Variants in PRKAG3 observed in about 807,000 individuals in gnomAD.
The protein encoded by PRKAG3 is protein kinase AMP-activated non-catalytic subunit gamma 3.
Under a neutral mutation model 56.5 loss-of-function variants are expected in PRKAG3, and 39 were observed. The ratio of observed to expected loss-of-function variants is 0.69; its 90% CI spans 0.53 to 0.90. The LOEUF is 0.90. Ranked by LOEUF, PRKAG3 falls within the 40% of genes least tolerant of loss-of-function variation. The probability of loss-of-function intolerance (pLI) is 0.00; values close to 1 mark genes in which losing one functional copy is unlikely to be tolerated. For synonymous variants in PRKAG3, 243 were observed against 250.1 expected, an observed-to-expected ratio of 0.97 and a Z score of 0.27; for missense variants, 628 against 627.5, an observed-to-expected ratio of 1.00 and a Z score of -0.01.
exon 3 of PRKAG3, chr2:218,830,886 T>C: frequency 2.5e-6 from 4 of 1,613,818 alleles, no homozygotes; most frequent in Non-Finnish European, 3.4e-6. Flanking sequence ...GTTTTCTTGC[T>C]CTAGGAAGCT....
Position 218,827,128 on chromosome 2 carries a change from T to C in PRKAG3, c.1003-35A>G. Reference sequence around the variant, plus strand: ...ATGGGGACCAGGTGGAGATCAGGGATCCAGCAGCTTCAAGAGGGCTCCCAG... The same window carrying C: ...ATGGGGACCAGGTGGAGATCAGGGACCCAGCAGCTTCAAGAGGGCTCCCAG... On this transcript the variant is annotated intron_variant, in intron 9 of 12. Transcript: ENST00000529249. The surrounding 1 kb of genome is among the most constrained non-coding windows in gnomAD (Gnocchi z 5.3). 1.9e-6 allele frequency: 3 copies of C among 1,612,582 alleles called. No individual in the cohort carries two copies. The highest frequency in any genetic ancestry group is 2.5e-6 in the Non-Finnish European group (3 of 1,179,896).
intron 10 of PRKAG3, chr2:218,826,670 C>T: frequency 2.0e-6 from 1 of 501,714 alleles, no homozygotes; most frequent in South Asian, 2.0e-5. Flanking sequence ...CATTTTCATG[C>T]ACATAACCTT....
intron 4 of PRKAG3, 103 bp from the exon 5 acceptor site, chr2:218,828,703 G>A (rs1943974443): frequency 1.1e-5 from 11 of 996,148 alleles, no homozygotes; most frequent in African/African-American, 1.6e-5. Flanking sequence ...TCCCCTCCCT[G>A]TCCCACCCAG....
chr2:218,831,023 A>G, intron 2 of PRKAG3, 122 bp from the exon 3 acceptor site: 1 of 1,234,768 alleles, frequency 8.1e-7, no homozygotes. Context: ...CATATTTCTC[A>G]TTTAAAACTT....
In PRKAG3 at chr2:218,827,311, G is replaced by A. The variant is rs751962538; in HGVS notation, c.938C>T (p.Pro313Leu). The change falls in exon 9 of 13, where the codon CCG becomes CTG. Residue 313 changes from proline (P) to leucine (L), a missense_variant. By Grantham distance (98) the Pro-to-Leu change is moderately conservative. Transcript: ENST00000529249. The surrounding 1 kb of genome is among the most constrained non-coding windows in gnomAD (Gnocchi z 5.3). ...GATGTGGAGTACGTTGCCTGACACC[G>A]GGTCAAGAACAGGCAGGCGATGGAT... The A allele has an allele frequency of 8.7e-6, 14 of 1,614,014 alleles. No individual in the cohort carries two copies. The highest frequency in any genetic ancestry group is 3.3e-5 in the South Asian group (3 of 91,072).
intron 12 of PRKAG3, 82 bp downstream of exon 12, chr2:218,824,140 C>T (rs1045784417): frequency 2.1e-5 from 34 of 1,605,386 alleles, no homozygotes; most frequent in South Asian, 6.6e-5. Context: ...GCCAGGTGCC[C>T]GATGTTCAGG....
At chr2:218,830,881 C>G (rs751146025) in exon 3 of PRKAG3, 3 of 1,613,740 alleles carry the variant, frequency 1.9e-6, no homozygotes, top group African/African-American at 1.3e-5. Context: ...CTGCTGTTTT[C>G]TTGCTCTAGG....
chr2:218,830,587 T>C (rs1275231975), intron 3 of PRKAG3, among the ~76,000 whole-genome samples, 159 bp downstream of exon 3: 1 of 152,230 alleles, frequency 6.6e-6, no homozygotes, highest in African/African-American at 2.4e-5. Flanking sequence ...GGCACTGCAG[T>C]GCCTTGTTCT....
exon 5 of PRKAG3, chr2:218,828,572 G>A (rs1943972331): frequency 3.1e-6 from 5 of 1,613,656 alleles, no homozygotes; most frequent in Non-Finnish European, 4.2e-6. Context: ...CACACCGTTG[G>A]CCACCAGAGC....
At chr2:218,825,772 T>C (rs1475106223) in intron 10 of PRKAG3, among the ~76,000 whole-genome samples, 1 of 151,538 alleles carries the variant, frequency 6.6e-6, no homozygotes, top group Non-Finnish European at 1.5e-5. Flanking sequence ...ACTTTTTTTT[T>C]TTTTTTTTGG....
At chr2:218,823,167 T>A, downstream of PRKAG3, 2 of 627,042 alleles carry the variant, frequency 3.2e-6, no homozygotes, top group Non-Finnish European at 4.0e-6. Flanking sequence ...GGTGAGTAGA[T>A]GGAATCTGTG....
At chr2:218,830,274 C>G (rs1944000134) in exon 4 of PRKAG3, 1 of 1,613,596 alleles carries the variant, frequency 6.2e-7, no homozygotes, top group African/African-American at 1.3e-5. Context: ...CAGTCCCACC[C>G]TGTTGGTGGA....
At position 218,826,787 on chromosome 2, in the gene PRKAG3, G is replaced by A. The variant is rs1202137026; in HGVS notation, c.1168+141C>T. The stretch of plus-strand genomic sequence containing the variant: ...CTAAGCAACTTGCCCAAGTCTCAGA[G>A]TAGACGGAGACTTCTAATCCCCAGT... On this transcript the variant is annotated intron_variant, in intron 10 of 12. Coordinates refer to ENST00000529249, the Ensembl canonical transcript of PRKAG3. The A allele has an allele frequency of 2.7e-6, 3 of 1,122,374 alleles. No homozygotes were observed. The East Asian group carries it at 7.6e-5, about 29-fold the overall frequency. The allele number at this position is 1,122,374 out of a possible 1,614,324, so 69.5% of individuals were successfully genotyped here.
chr2:218,824,113 A>C, intron 12 of PRKAG3, 109 bp downstream of exon 12: 1 of 1,562,440 alleles, frequency 6.4e-7, no homozygotes, highest in East Asian at 2.3e-5. Context: ...GGAGTTGGTC[A>C]TGAAATGGAA....
intron 10 of PRKAG3, chr2:218,826,701 A>G (rs1033496236): frequency 8.9e-5 from 51 of 573,866 alleles, no homozygotes; most frequent in Non-Finnish European, 1.6e-4. Flanking sequence ...CTGTGAAGTC[A>G]GAAAGATGAG....
In PRKAG3 at chr2:218,827,837, C is replaced by T. The variant is rs747406660; in HGVS notation, c.816G>A (p.Trp272Ter). 1 of 1,614,078 alleles carries T rather than the reference C, an allele frequency of 6.2e-7. No homozygotes were observed. Among genetic ancestry groups the T allele is most frequent in the Non-Finnish European group, 8.5e-7 (1 of 1,179,960 alleles). Residue 272 changes from tryptophan (W) to a stop codon, truncating the protein, a stop_gained, in exon 7 of 13, where the codon TGG (tryptophan) becomes TGA (stop). Coordinates refer to ENST00000529249, the Ensembl canonical transcript of PRKAG3. LOFTEE classifies it high-confidence loss of function. The surrounding 1 kb of genome is among the most constrained non-coding windows in gnomAD (Gnocchi z 5.3). ...CGGGTTCCTCTCCCCACTCACCCCT[C>T]CAGGTCTCAATCTTATGTTGTTCAA...
chr2:218,831,352 C>A, exon 2 of PRKAG3: 2 of 1,603,456 alleles, frequency 1.2e-6, no homozygotes. Context: ...GCTCAGAACC[C>A]CCAAGGCTGC....
chr2:218,831,002 C>T lies in PRKAG3; in HGVS notation c.74-101G>A, dbSNP rs1278586769. On this transcript the variant is annotated intron_variant, in intron 2 of 12. Coordinates refer to ENST00000529249, the Ensembl canonical transcript of PRKAG3. ...TTAGGATTTGCAAGCTTCCAATGGG[C>T]TTTTCTCCAACATATTTCTCATTTA... 13 of 1,346,588 alleles carry T rather than the reference C, an allele frequency of 9.7e-6. No homozygotes were observed. In the East Asian group the frequency reaches 2.5e-4, roughly 26 times the overall value. The allele number at this position is 1,346,588 out of a possible 1,614,324, so 83.4% of individuals were successfully genotyped here.
exon 10 of PRKAG3, chr2:218,826,946 G>A: frequency 6.2e-7 from 1 of 1,614,116 alleles, no homozygotes; most frequent in Non-Finnish European, 8.5e-7. Flanking sequence ...TTGACCACAG[G>A]CAGTGCAGAC....
Sources: allele counts gnomAD v4.1 joint callset (sites outside exome capture counted in the v4.1 genomes callset), GRCh38; gene constraint gnomAD v4.1.1; non-coding constraint Gnocchi (gnomAD v3.1); transcripts MANE v1.5; gene names NCBI Gene and HGNC (gene_info 2026-07-23, HGNC 2026-07-21).